Variants in HIBADH observed in about 807,000 individuals in gnomAD.
HIBADH encodes the protein 3-hydroxyisobutyrate dehydrogenase.
A neutral mutation model predicts 36.1 loss-of-function variants in HIBADH; 25 were observed. The observed-to-expected ratio is 0.69, with a 90% CI of 0.50 to 0.97. The LOEUF (loss-of-function observed/expected upper bound fraction) is 0.97, where lower values mean the gene tolerates loss of function less well. Among genes scored for constraint, HIBADH ranks in the 50% least tolerant of loss-of-function variants. The probability of loss-of-function intolerance (pLI) is 0.00; values close to 1 mark genes in which losing one functional copy is unlikely to be tolerated. For synonymous variants in HIBADH, 160 were observed against 149.5 expected (o/e 1.07, Z -0.51); for missense variants, 421 against 418.0 (o/e 1.01, Z -0.06).
intron 4 of HIBADH, among the ~76,000 whole-genome samples, chr7:27,579,025 G>A (rs1489885646): frequency 6.6e-6 from 1 of 152,034 alleles, no homozygotes; most frequent in East Asian, 1.9e-4. Context: ...TTAAAGGGAG[G>A]GCATGGGAAC....
chr7:27,630,357 T>C (rs1309076292), intron 3 of HIBADH, among the ~76,000 whole-genome samples: 1 of 152,090 alleles, frequency 6.6e-6, no homozygotes, highest in African/African-American at 2.4e-5. Context: ...TCCAGGCTGA[T>C]CTTGAACTCC....
intron 4 of HIBADH, among the ~76,000 whole-genome samples, chr7:27,625,049 C>G (rs1221025427): frequency 6.6e-6 from 1 of 151,968 alleles, no homozygotes; most frequent in African/African-American, 2.4e-5. Context: ...AGAACAATAC[C>G]ACAGAGCAGT....
rs762685685 is a variant in HIBADH at position 27,645,368 on chromosome 7, ATTTTTTTTT to A, written c.252+4096_252+4104del. ...CTAGTGGGTGTGTCTCATGGTTTTG[ATTTTTTTTT>A]TTTTTTTTTTTTTTTTTTGAGACAG... On this transcript the variant is annotated intron_variant, in intron 2 of 7. Transcript: ENST00000265395. Among the ~76,000 whole-genome samples, 27 of 59,650 alleles carry A rather than the reference ATTTTTTTTT, an allele frequency of 4.5e-4. 1 individual carries two copies. The highest frequency in any genetic ancestry group is 1.6e-3 in the African/African-American group (25 of 15,872). The allele number at this position is 59,650 out of a possible 152,430, so 39.1% of individuals were successfully genotyped here. A position where few individuals can be genotyped will look rare whatever the true frequency, so the allele number is the denominator to read the frequency against.
intron 4 of HIBADH, among the ~76,000 whole-genome samples, chr7:27,545,847 G>A (rs1784229418): frequency 6.6e-6 from 1 of 152,128 alleles, no homozygotes; most frequent in South Asian, 2.1e-4. Flanking sequence ...TCAGCACTGA[G>A]GTCATGGCTT....
chr7:27,658,980 T>A (rs1330934523), intron 1 of HIBADH, among the ~76,000 whole-genome samples: 1 of 152,228 alleles, frequency 6.6e-6, no homozygotes, highest in Non-Finnish European at 1.5e-5. Flanking sequence ...CCCCGGACCA[T>A]GAGCAGCTTT....
chr7:27,581,449 T>G (rs1262015832), intron 4 of HIBADH, among the ~76,000 whole-genome samples: 2 of 152,204 alleles, frequency 1.3e-5, no homozygotes, highest in Non-Finnish European at 2.9e-5. Flanking sequence ...CAACAGGTAC[T>G]GCCATCAACT....
chr7:27,526,637 GAAA>G (rs1222672614), intron 7 of HIBADH, among the ~76,000 whole-genome samples: 2 of 151,580 alleles, frequency 1.3e-5, no homozygotes, highest in Admixed American at 1.3e-4. Flanking sequence ...CAGATTTGAA[GAAA>G]AAAAATTTCC....
intron 4 of HIBADH, among the ~76,000 whole-genome samples, chr7:27,607,319 C>G (rs1785246299): frequency 6.6e-6 from 1 of 152,180 alleles, no homozygotes; most frequent in African/African-American, 2.4e-5. Context: ...GCCAGCCTGG[C>G]CAACACGGTG....
At chr7:27,601,596 T>A (rs943280781) in intron 4 of HIBADH, among the ~76,000 whole-genome samples, 2 of 152,222 alleles carry the variant, frequency 1.3e-5, no homozygotes, top group South Asian at 4.1e-4. Flanking sequence ...CTGGGTAATG[T>A]TGGAAAATAA....
Position 27,525,565 on chromosome 7 carries a change from CAA to C in HIBADH, c.*647_*648del, listed in dbSNP as rs1233623322. ...GCATCTAAAGATGTCATTCTTAAGT[CAA>C]AAAATACGTAGTAAGAATGAACAAG... On this transcript the variant is annotated 3_prime_UTR_variant, in exon 8 of 8. Coordinates refer to ENST00000265395, the MANE Select transcript of HIBADH (RefSeq NM_152740.4). 1 of 151,890 alleles carries C rather than the reference CAA, an allele frequency of 6.6e-6. No individual in the cohort carries two copies. The highest frequency in any genetic ancestry group is 6.6e-5 in the Admixed American group (1 of 15,246). 9.4% of individuals were successfully genotyped at this position (151,890 alleles called of 1,614,324 possible).
At chr7:27,554,434 C>G (rs922685968) in intron 4 of HIBADH, among the ~76,000 whole-genome samples, 1 of 152,200 alleles carries the variant, frequency 6.6e-6, no homozygotes, top group Non-Finnish European at 1.5e-5. Flanking sequence ...GTTTCACATG[C>G]ATCCTTTCAT....
chr7:27,572,035 A>T (rs1784635629), intron 4 of HIBADH, among the ~76,000 whole-genome samples: 1 of 152,142 alleles, frequency 6.6e-6, no homozygotes, highest in Non-Finnish European at 1.5e-5. Context: ...CTCTTTGGGC[A>T]TTTGGCTTTG....
In HIBADH at chr7:27,532,043, A is replaced by G. The variant is rs544172635; in HGVS notation, c.696-695T>C. 2.6e-5 allele frequency among the ~76,000 whole-genome samples: 4 copies of G among 152,182 alleles called. No homozygotes were observed. The South Asian group carries it at 8.3e-4, about 32-fold the overall frequency. On this transcript the variant is annotated intron_variant, in intron 6 of 7. Coordinates refer to ENST00000265395, the MANE Select transcript of HIBADH (RefSeq NM_152740.4). ...CATTATAGTTCTGGGTCAACTGCTG[A>G]TAAGGTTACTGATCCTGATAAAACA...
At chr7:27,582,069 A>G (rs1461166714) in intron 4 of HIBADH, among the ~76,000 whole-genome samples, 1 of 152,142 alleles carries the variant, frequency 6.6e-6, no homozygotes, top group Non-Finnish European at 1.5e-5. Flanking sequence ...GCTTTGACTT[A>G]GGATTAACAG....
At chr7:27,568,483 A>T (rs908529635) in intron 4 of HIBADH, among the ~76,000 whole-genome samples, 6 of 151,640 alleles carry the variant, frequency 4.0e-5, no homozygotes, top group South Asian at 4.2e-4. Flanking sequence ...TGAGACAGAG[A>T]GTCTCTCTCT....
intron 1 of HIBADH, among the ~76,000 whole-genome samples, chr7:27,660,878 G>C (rs1257587913): frequency 6.6e-6 from 1 of 152,132 alleles, no homozygotes; most frequent in East Asian, 1.9e-4. Flanking sequence ...TACAGTCTTA[G>C]GCCTCAGGCT....
chr7:27,633,240 T>C (rs1197319410), intron 2 of HIBADH, among the ~76,000 whole-genome samples: 1 of 152,078 alleles, frequency 6.6e-6, no homozygotes, highest in African/African-American at 2.4e-5. Flanking sequence ...GTTACTCACA[T>C]CCCCCATCCC....
At chr7:27,660,555 C>T (rs1303100759) in intron 1 of HIBADH, among the ~76,000 whole-genome samples, 1 of 152,022 alleles carries the variant, frequency 6.6e-6, no homozygotes, top group Non-Finnish European at 1.5e-5. Context: ...GTCCCAGGTA[C>T]TCCGGAGGCT....
intron 4 of HIBADH, among the ~76,000 whole-genome samples, chr7:27,608,990 G>A (rs1268705913): frequency 1.3e-5 from 2 of 152,192 alleles, no homozygotes; most frequent in Non-Finnish European, 2.9e-5. Flanking sequence ...ATGGTTACTT[G>A]ATTGGAAATT....
Sources: allele counts gnomAD v4.1 joint callset (sites outside exome capture counted in the v4.1 genomes callset), GRCh38; gene constraint gnomAD v4.1.1; transcripts MANE v1.5; gene names NCBI Gene and HGNC (gene_info 2026-07-23, HGNC 2026-07-21).